The following WDTC1 variants were observed in gnomAD, a reference collection of about 807,000 sequenced individuals.
WDTC1 encodes the protein WD and tetratricopeptide repeats 1.
A neutral mutation model predicts 76.0 loss-of-function variants in WDTC1; 12 were observed. The observed-to-expected ratio is 0.16, with a 90% confidence interval of 0.10 to 0.26. The LOEUF (loss-of-function observed/expected upper bound fraction) is 0.26. Ranked by LOEUF, WDTC1 falls within the 10% of genes least tolerant of loss-of-function variation. WDTC1 has a pLI of 1.00. For missense variants in WDTC1, 511 were observed against 908.8 expected, an observed-to-expected ratio of 0.56 and a Z score of 5.63; for synonymous variants, 326 against 350.8, an observed-to-expected ratio of 0.93 and a Z score of 0.79.
At chr1:27,249,777 G>A (rs758505362) in intron 1 of WDTC1, among the ~76,000 whole-genome samples, 2 of 152,044 alleles carry the variant, frequency 1.3e-5, no homozygotes, top group Non-Finnish European at 2.9e-5. Flanking sequence ...GGATTTTGCT[G>A]TGTTGCCCAG....
intron 10 of WDTC1, 25 bp downstream of exon 10, chr1:27,296,426 T>C: frequency 6.2e-7 from 1 of 1,612,274 alleles, no homozygotes; most frequent in South Asian, 1.1e-5. Context: ...AGGGTATCTC[T>C]ACTGCGGCGG....
intron 3 of WDTC1, among the ~76,000 whole-genome samples, chr1:27,273,497 C>T (rs1289159887): frequency 5.3e-5 from 8 of 152,042 alleles, no homozygotes; most frequent in South Asian, 2.1e-4. Flanking sequence ...CGTGAGCCAC[C>T]GTGCCCGGCC....
chr1:27,288,973 C>T (rs1273539391), intron 6 of WDTC1, among the ~76,000 whole-genome samples: 1,443 of 88,926 alleles, frequency 0.016, 11 homozygotes, highest in East Asian at 0.037. Flanking sequence ...GCTGGCCGGG[C>T]GGGGGGCTGA....
rs2013840381 is a variant in WDTC1 at position 27,301,934 on chromosome 1, T to C, written c.1468+473T>C. 6.6e-6 allele frequency among the ~76,000 whole-genome samples: 1 copy of C among 152,162 alleles called. No individual in the cohort carries two copies. The highest frequency in any genetic ancestry group is 2.1e-4 in the South Asian group (1 of 4,822). On this transcript the variant is annotated intron_variant, in intron 13 of 15. Transcript: ENST00000319394. The surrounding 1 kb of genome is among the most constrained non-coding windows in gnomAD (Gnocchi z 5.8). ...TGGAATGTGGGGCCTCGGTTCCAAA[T>C]GCAGCTCCACCACCTGACTGTGTGG...
At chr1:27,287,964 A>G (rs910559389) in intron 6 of WDTC1, 103 bp downstream of exon 6, 12 of 1,401,480 alleles carry the variant, frequency 8.6e-6, no homozygotes, top group East Asian at 2.5e-5. Context: ...CAGAGGTCCA[A>G]CCTCCTTTGT....
intron 1 of WDTC1, among the ~76,000 whole-genome samples, chr1:27,251,782 G>T (rs79471519): frequency 1.4e-4 from 21 of 151,788 alleles, no homozygotes; most frequent in African/African-American, 4.6e-4. Context: ...TGCTATGATC[G>T]CACCACTATA....
intron 5 of WDTC1, 108 bp from the exon 6 acceptor site, chr1:27,287,566 C>T: frequency 1.5e-6 from 2 of 1,295,942 alleles, no homozygotes; most frequent in East Asian, 2.5e-5. Flanking sequence ...TGGGCTCATT[C>T]TCTTATCTGA....
chr1:27,236,362 C>T (rs57360232), intron 1 of WDTC1, among the ~76,000 whole-genome samples: 6,073 of 152,196 alleles, frequency 0.04, 350 homozygotes, highest in African/African-American at 0.13. Context: ...TGACCTTTTC[C>T]GTCATAGTTT....
intron 3 of WDTC1, among the ~76,000 whole-genome samples, chr1:27,267,862 C>T (rs1345102423): frequency 6.6e-6 from 1 of 151,974 alleles, no homozygotes; most frequent in African/African-American, 2.4e-5. Flanking sequence ...TTAAATTATC[C>T]ATACCAATAG....
At chr1:27,273,748 A>G (rs1287931723) in intron 3 of WDTC1, among the ~76,000 whole-genome samples, 1 of 152,090 alleles carries the variant, frequency 6.6e-6, no homozygotes, top group African/African-American at 2.4e-5. Flanking sequence ...TGAAGTATTT[A>G]AGTGTAAGGG....
In WDTC1 at chr1:27,303,836, C is replaced by T. The variant is rs180769473; in HGVS notation, c.1643+41C>T. 4.4e-5 allele frequency: 71 copies of T among 1,606,874 alleles called. No individual in the cohort carries two copies. The highest frequency in any genetic ancestry group is 1.7e-4 in the Admixed American group (10 of 58,394). ...GAGGAGGGTGCAGCCCAGTTGGCAG[C>T]GGGAGGTTGAGTGGGGAGTGTTGGG... is the stretch of plus-strand genomic sequence containing the variant. On this transcript the variant is annotated intron_variant, in intron 14 of 15. Coordinates refer to ENST00000319394, the MANE Select transcript of WDTC1 (RefSeq NM_001276252.2). The surrounding 1 kb of genome is among the most constrained non-coding windows in gnomAD (Gnocchi z 4.8).
Position 27,306,120 on chromosome 1 carries a change from T to A in WDTC1, c.1837-66T>A. ...TCTGTGTATTTCCCTCCCCCTCCCC[T>A]ATACGTGTACCCTGGTGCCTCTCCC... On this transcript the variant is annotated intron_variant, in intron 15 of 15. Coordinates refer to ENST00000319394, the MANE Select transcript of WDTC1 (RefSeq NM_001276252.2). This position sits in a 1 kb window ranked among gnomAD's most constrained non-coding sequence, Gnocchi z 5.0. The A allele has an allele frequency of 5.8e-6, 9 of 1,540,320 alleles. No individual in the cohort carries two copies. Among genetic ancestry groups the A allele is most frequent in the Non-Finnish European group, 8.1e-6 (9 of 1,115,980 alleles).
chr1:27,303,497 A>G lies in WDTC1; in HGVS notation c.1469-124A>G. 8.3e-7 allele frequency: 1 copy of G among 1,199,170 alleles called. No individual in the cohort carries two copies. Among genetic ancestry groups the G allele is most frequent in the Non-Finnish European group, 1.1e-6 (1 of 889,704 alleles). 74.3% of individuals were successfully genotyped at this position (1,199,170 alleles called of 1,614,324 possible). On this transcript the variant is annotated intron_variant, in intron 13 of 15. Transcript: ENST00000319394. The surrounding 1 kb of genome is among the most constrained non-coding windows in gnomAD (Gnocchi z 4.8). ...CAACCTTTCCCCAGTTTTCCAGGAT[A>G]AGGGTGGAGGCAGGTAGCTCTATGT...
intron 3 of WDTC1, among the ~76,000 whole-genome samples, chr1:27,279,190 G>A (rs1039589609): frequency 6.6e-6 from 1 of 152,006 alleles, no homozygotes; most frequent in African/African-American, 2.4e-5. Flanking sequence ...AACAACCTTT[G>A]CATGTGTAAG....
In WDTC1 at chr1:27,301,530, G is replaced by A; in HGVS notation, c.1468+69G>A. ...GAGATGCTGCATGACATTCTGGAGA[G>A]GTCATGGTTCTGGGATTGGAGAGGC... On this transcript the variant is annotated intron_variant, in intron 13 of 15. Transcript: ENST00000319394. This position sits in a 1 kb window ranked among gnomAD's most constrained non-coding sequence, Gnocchi z 5.8. 1 of 1,537,858 alleles carries A rather than the reference G, an allele frequency of 6.5e-7. No individual in the cohort carries two copies.
At chr1:27,298,170 A>G in intron 12 of WDTC1, 59 bp downstream of exon 12, 1 of 1,497,192 alleles carries the variant, frequency 6.7e-7, no homozygotes, top group Non-Finnish European at 9.0e-7. Flanking sequence ...AGCTGGACCA[A>G]AAGGCAGGGG....
chr1:27,283,207 A>C, intron 4 of WDTC1, 131 bp from the exon 5 acceptor site: 1 of 715,776 alleles, frequency 1.4e-6, no homozygotes, highest in South Asian at 1.8e-5. Context: ...TTTACAAGGC[A>C]ACCTTAAATT....
At chr1:27,270,941 AGTTTT>A (rs1349058145) in intron 3 of WDTC1, among the ~76,000 whole-genome samples, 5 of 152,176 alleles carry the variant, frequency 3.3e-5, no homozygotes. Context: ...GTCTCAGTAT[AGTTTT>A]AAGTTACATT....
Position 27,305,184 on chromosome 1 carries a change from C to T in WDTC1, c.1827C>T (p.Pro609=), listed in dbSNP as rs1430814787. The part of the protein sequence containing the change: ...GIDPVVRLWN[P]RPESEDLTGR... The stretch of plus-strand genomic sequence containing the variant: ...ATCCTGTTGTGCGGCTCTGGAACCC[C>T]CGACCAGAGGTGAGGGTGCAGAGCC... Residue 609 remains proline, a synonymous_variant, in exon 15 of 16, where the codon CCC becomes CCT. Coordinates refer to ENST00000319394, the MANE Select transcript of WDTC1 (RefSeq NM_001276252.2). The surrounding 1 kb of genome is among the most constrained non-coding windows in gnomAD (Gnocchi z 4.6). 2 of 1,613,628 alleles carry T rather than the reference C, an allele frequency of 1.2e-6. No individual in the cohort carries two copies. The highest frequency in any genetic ancestry group is 1.7e-6 in the Non-Finnish European group (2 of 1,179,880).
Sources: allele counts gnomAD v4.1 joint callset (sites outside exome capture counted in the v4.1 genomes callset), GRCh38; gene constraint gnomAD v4.1.1; non-coding constraint Gnocchi (gnomAD v3.1); transcripts MANE v1.5; gene names NCBI Gene and HGNC (gene_info 2026-07-23, HGNC 2026-07-21).